Variants in COL9A3 observed in about 807,000 individuals in gnomAD.
The protein encoded by COL9A3 is collagen alpha-3(IX) chain.
A neutral mutation model predicts 110.2 loss-of-function variants in COL9A3; 82 were observed. The ratio of observed to expected loss-of-function variants is 0.74; its 90% CI spans 0.62 to 0.89. The LOEUF (loss-of-function observed/expected upper bound fraction) is 0.89, where lower values mean the gene tolerates loss of function less well. COL9A3 is among the 40% of genes least tolerant of loss of function. The probability of loss-of-function intolerance (pLI) is 0.00; values close to 1 mark genes in which losing one functional copy is unlikely to be tolerated. For missense variants in COL9A3, 1,066 were observed against 981.3 expected (o/e 1.09, Z -1.15); for synonymous variants, 494 against 403.8 (o/e 1.22, Z -2.68).
Position 62,819,872 on chromosome 20 carries a change from G to A in COL9A3, c.256-57G>A. On this transcript the variant is annotated intron_variant, in intron 4 of 31. Transcript: ENST00000649368. ...GGGTCCGTGCTTCCATTTTTGCCTG[G>A]GGGGTGGCATGTGCTTCCCATGTGG... is the stretch of plus-strand genomic sequence containing the variant. 7 of 1,602,014 alleles carry A rather than the reference G, an allele frequency of 4.4e-6. No homozygotes were observed. The South Asian group carries it at 7.7e-5, about 18-fold the overall frequency.
intron 5 of COL9A3, among the ~76,000 whole-genome samples, chr20:62,820,911 C>T (rs3765460): frequency 1.3e-5 from 2 of 152,092 alleles, no homozygotes; most frequent in South Asian, 4.1e-4. Context: ...ACAGGCACCC[C>T]GGGTCACTTC....
chr20:62,817,445 G>A (rs991504269), intron 1 of COL9A3, 122 bp from the exon 2 acceptor site: 1 of 710,124 alleles, frequency 1.4e-6, no homozygotes, highest in African/African-American at 1.9e-5. Context: ...GAGGCTTTGG[G>A]TCTCACCGAG....
intron 7 of COL9A3, 103 bp from the exon 8 acceptor site, chr20:62,821,654 T>A: frequency 1.3e-6 from 2 of 1,546,298 alleles, no homozygotes; most frequent in Non-Finnish European, 1.8e-6. Flanking sequence ...GACCACCCCA[T>A]ACTTGGAGCC....
rs771213204 is a variant in COL9A3, at chr20:62,828,976, G to A, written c.1008G>A (p.Pro336=). Residue 336 remains proline (P), a splice_region_variant and synonymous_variant, in exon 19 of 32, where the codon CCG becomes CCA. Transcript: ENST00000649368. Reference sequence around the variant, plus strand: ...GAGAGAAGGGCCCCAACGGGCTGCCGGTGAGTGCCCGGCGGGTGGGGCCAG... The same window carrying A: ...GAGAGAAGGGCCCCAACGGGCTGCCAGTGAGTGCCCGGCGGGTGGGGCCAG... ...APGEKGPNGL[P]GLPGRAGSKG... is the part of the protein sequence containing the mutation. The A allele has an allele frequency of 1.2e-5, 20 of 1,604,646 alleles. No homozygotes were observed. The highest frequency in any genetic ancestry group is 2.0e-4 in the Middle Eastern group (1 of 5,034).
chr20:62,826,318 C>T lies in COL9A3; in HGVS notation c.738+61C>T, dbSNP rs11699142. 226,065 of 1,447,418 alleles carry T rather than the reference C, an allele frequency of 0.16. 18,370 individuals are homozygous for T. Among genetic ancestry groups the T allele is most frequent in the Non-Finnish European group, 0.16 (173,174 of 1,062,816 alleles). The allele number at this position is 1,447,418 out of a possible 1,614,324, so 89.7% of individuals were successfully genotyped here. On this transcript the variant is annotated intron_variant, in intron 14 of 31. Coordinates refer to ENST00000649368, the MANE Select transcript of COL9A3 (RefSeq NM_001853.4). ...TGGCTGGGGGCCTGGTTGTCTGCAC[C>T]TCCAGACTTCAGATGGGCCCCGTGA...
chr20:62,816,918 G>GA (rs771652460), upstream of COL9A3: 6 of 346,564 alleles, frequency 1.7e-5, no homozygotes, highest in East Asian at 2.9e-4. Context: ...GGGGCGGGTG[G>GA]AAGCCCCCCC....
At position 62,828,945 on chromosome 20, in the gene COL9A3, C is replaced by A; in HGVS notation, c.977C>A (p.Ala326Asp). 6.2e-7 allele frequency: 1 copy of A among 1,611,186 alleles called. No homozygotes were observed. The highest frequency in any genetic ancestry group is 8.5e-7 in the Non-Finnish European group (1 of 1,179,658). The change falls in exon 19 of 32, where the codon GCT (alanine) becomes GAT (aspartate). Residue 326 changes from alanine (A) to aspartate (D), a missense_variant. Transcript: ENST00000649368. ...CAGGGAGAGGCTGGTCGCAACGGTG[C>A]TCCGGGAGAGAAGGGCCCCAACGGG... ...GQKGEAGRNGAPGEKGPNGLP... is the reference protein window; with the variant it reads ...GQKGEAGRNGDPGEKGPNGLP...
chr20:62,825,951 A>AG, intron 13 of COL9A3, 81 bp downstream of exon 13: 1 of 1,449,684 alleles, frequency 6.9e-7, no homozygotes, highest in South Asian at 1.2e-5. Flanking sequence ...TCTACCCCCG[A>AG]GGGGGCCAGC....
Position 62,836,313 on chromosome 20 carries a change from A to G in COL9A3, c.1528A>G (p.Thr510Ala), listed in dbSNP as rs760318814. 6.2e-7 allele frequency: 1 copy of G among 1,613,868 alleles called. No individual in the cohort carries two copies. Residue 510 changes from threonine (T) to alanine (A), a missense_variant, in exon 28 of 32, where the codon ACG becomes GCG. Physicochemically the swap from Thr to Ala is moderately conservative, Grantham distance 58 (BLOSUM62 0). Coordinates refer to ENST00000649368, the MANE Select transcript of COL9A3 (RefSeq NM_001853.4). ...GGGCGTCCCGGGTGTTCCTGGCATC[A>G]CGGGGAAGCCGGGAGTTCCGGTACG... ...LQGVPGVPGI[T>A]GKPGVPGKEA...
At chr20:62,820,716 A>G (rs961656155) in intron 5 of COL9A3, among the ~76,000 whole-genome samples, 1 of 151,840 alleles carries the variant, frequency 6.6e-6, no homozygotes, top group African/African-American at 2.4e-5. Flanking sequence ...CAGCCTCAGC[A>G]CAGGGCCCGT....
chr20:62,841,074 AATGAT>A lies in COL9A3; in HGVS notation c.*345_*349del, dbSNP rs1002174500. The A allele has an allele frequency of 1.9e-5, 5 of 260,184 alleles. No homozygotes were observed. Among genetic ancestry groups the A allele is most frequent in the Non-Finnish European group, 3.0e-5 (4 of 132,718 alleles). The allele number at this position is 260,184 out of a possible 1,614,324, so 16.1% of individuals were successfully genotyped here. A position where few individuals can be genotyped will look rare whatever the true frequency, so the allele number is the denominator to read the frequency against. ...AAAGACTATGATCTCATCCCAATAA[AATGAT>A]ATATTAAACCTTCAGATTAATGACT... On this transcript the variant is annotated 3_prime_UTR_variant, in exon 32 of 32. Coordinates refer to ENST00000649368, the MANE Select transcript of COL9A3 (RefSeq NM_001853.4).
At chr20:62,817,240 C>A (rs1990958681) in intron 1 of COL9A3, 98 bp downstream of exon 1, 1 of 918,494 alleles carries the variant, frequency 1.1e-6, no homozygotes, top group Non-Finnish European at 1.4e-6. Flanking sequence ...CCTCGACGCC[C>A]CCAGCCCGTG....
chr20:62,822,316 G>A, intron 9 of COL9A3, 152 bp downstream of exon 9: 1 of 709,696 alleles, frequency 1.4e-6, no homozygotes, highest in Non-Finnish European at 2.6e-6. Flanking sequence ...GGTGGGGGCA[G>A]TGGCTGTGGC....
In COL9A3 at chr20:62,822,232, A is replaced by G. The variant is rs117816490; in HGVS notation, c.477+68A>G. ...TAGGACACTGGGTTGGACCCTCCCC[A>G]TTCCCCCTCCCCAGGCTCCATGCCC... On this transcript the variant is annotated intron_variant, in intron 9 of 31. Coordinates refer to ENST00000649368, the MANE Select transcript of COL9A3 (RefSeq NM_001853.4). 11,964 of 872,384 alleles carry G rather than the reference A, an allele frequency of 0.014. 168 individuals are homozygous for G. Among genetic ancestry groups the G allele is most frequent in the South Asian group, 0.042 (3,167 of 76,292 alleles). 54.0% of individuals were successfully genotyped at this position (872,384 alleles called of 1,614,324 possible). A position where few individuals can be genotyped will look rare whatever the true frequency, so the allele number is the denominator to read the frequency against.
chr20:62,823,204 G>A (rs933473512), intron 10 of COL9A3, among the ~76,000 whole-genome samples: 4 of 152,162 alleles, frequency 2.6e-5, no homozygotes, highest in Non-Finnish European at 4.4e-5. Context: ...CAGACGTGGT[G>A]GCGTGCCTGT....
chr20:62,824,852 T>C, intron 11 of COL9A3, 116 bp from the exon 12 acceptor site: 1 of 1,125,202 alleles, frequency 8.9e-7, no homozygotes, highest in Non-Finnish European at 1.3e-6. Context: ...CGCGGTCCTG[T>C]GCGCTGCCGT....
intron 29 of COL9A3, 105 bp downstream of exon 29, chr20:62,836,637 G>T (rs2063639037): frequency 1.6e-6 from 2 of 1,263,352 alleles, no homozygotes; most frequent in African/African-American, 1.5e-5. Context: ...TCCAGCCAAA[G>T]TGAGCCCCTA....
At position 62,824,471 on chromosome 20, in the gene COL9A3, C is replaced by T. The variant is rs150148851; in HGVS notation, c.546C>T (p.Pro182=). Residue 182 remains proline, a synonymous_variant, in exon 11 of 32, where the codon CCC becomes CCT. Coordinates refer to ENST00000649368, the MANE Select transcript of COL9A3 (RefSeq NM_001853.4). ...GCCCAAGTATCTGCCCGCCAGGTCC[C>T]CCAGGGCCCCCTGGAATGCCAGGGT... ...LQCPSICPPG[P]PGPPGMPGFK... 0.011 allele frequency: 18,347 copies of T among 1,599,646 alleles called. 145 individuals are homozygous for T. The highest frequency in any genetic ancestry group is 0.014 in the Non-Finnish European group (16,814 of 1,173,146).
At position 62,833,074 on chromosome 20, in the gene COL9A3, T is replaced by C. The variant is rs199636135; in HGVS notation, c.1368+10T>C. On this transcript the variant is annotated intron_variant, in intron 26 of 31. Transcript: ENST00000649368. The stretch of plus-strand genomic sequence containing the variant: ...GGATAAAGGAGAACTGGTGAGTAAT[T>C]AGGTAACCTCACTGTTACCAACAGC... 2 of 1,610,874 alleles carry C rather than the reference T, an allele frequency of 1.2e-6. No homozygotes were observed. The highest frequency in any genetic ancestry group is 2.2e-5 in the South Asian group (2 of 91,020).
Sources: allele counts gnomAD v4.1 joint callset (sites outside exome capture counted in the v4.1 genomes callset), GRCh38; gene constraint gnomAD v4.1.1; transcripts MANE v1.5; gene names NCBI Gene and HGNC (gene_info 2026-07-23, HGNC 2026-07-21).